CCDC149: variants seen among roughly 807,000 people sequenced by gnomAD.
CCDC149 encodes the protein coiled-coil domain-containing protein 149.
A neutral mutation model predicts 59.9 loss-of-function variants in CCDC149; 45 were observed. That is an observed-to-expected ratio of 0.75 (90% CI 0.59 to 0.96). CCDC149 has a LOEUF of 0.96. Among genes scored for constraint, CCDC149 ranks in the 40% least tolerant of loss-of-function variants. The pLI, the probability that CCDC149 is intolerant of heterozygous loss-of-function variation, is 0.00. For missense variants in CCDC149, 584 were observed against 664.7 expected (o/e 0.88, Z 1.33); for synonymous variants, 245 against 260.6 (o/e 0.94, Z 0.58).
intron 1 of CCDC149, among the ~76,000 whole-genome samples, chr4:24,887,182 T>C (rs1720233917): frequency 6.7e-6 from 1 of 148,390 alleles, no homozygotes; most frequent in South Asian, 2.1e-4. Context: ...AAGATCATAA[T>C]AATTAAATGG....
chr4:24,889,980 T>C (rs1370160030), intron 1 of CCDC149, among the ~76,000 whole-genome samples: 1 of 152,134 alleles, frequency 6.6e-6, no homozygotes, highest in Non-Finnish European at 1.5e-5. Flanking sequence ...GATGAGGTAT[T>C]GAGAGGGTTA....
chr4:24,978,363 ATAAAG>A (rs1447320348), intron 1 of CCDC149, among the ~76,000 whole-genome samples: 2 of 152,212 alleles, frequency 1.3e-5, no homozygotes, highest in Non-Finnish European at 1.5e-5. Flanking sequence ...ACTGAGTTAA[ATAAAG>A]TACATTGTTA....
At position 24,894,698 on chromosome 4, in the gene CCDC149, G is replaced by A. The variant is rs561863723; in HGVS notation, c.64-18001C>T. 2.0e-5 allele frequency among the ~76,000 whole-genome samples: 3 copies of A among 151,386 alleles called. No homozygotes were observed. The South Asian group carries it at 6.3e-4, about 32-fold the overall frequency. ...CCAGAGCAAAAGTATGTTCGAAAGG[G>A]CATCTCACAACGTGTGTTAGGATGT... On this transcript the variant is annotated intron_variant, in intron 1 of 12. Coordinates refer to ENST00000635206, the MANE Select transcript of CCDC149 (RefSeq NM_001330643.2).
At chr4:24,906,375 A>ATTTTTTTTATTTTATTTTATTTTATTTT (rs1553859575) in intron 1 of CCDC149, among the ~76,000 whole-genome samples, 2 of 10,474 alleles carry the variant, frequency 1.9e-4, no homozygotes, top group Non-Finnish European at 1.3e-3. Context: ...ATTTTATTTT[A>ATTTTTTTTATTTTATTTTATTTTATTTT]TTTTATTTTA....
chr4:24,883,714 G>C (rs1719985519), intron 1 of CCDC149, among the ~76,000 whole-genome samples: 2 of 152,124 alleles, frequency 1.3e-5, no homozygotes, highest in Non-Finnish European at 2.9e-5. Context: ...ACTTAAAAAA[G>C]ATTGAACACA....
In CCDC149 at chr4:24,822,530, T is replaced by C. The variant is rs924161018; in HGVS notation, c.1009A>G (p.Thr337Ala). ...CTCCACAAACCAGAAACTTCCAGAGTTCTTAATTTTTTTTCCAGCTCAGCC... is the reference window on the plus strand; with the variant it reads ...CTCCACAAACCAGAAACTTCCAGAGCTCTTAATTTTTTTTCCAGCTCAGCC... Residue 337 changes from threonine to alanine, a missense_variant, in exon 10 of 13, where the codon ACT becomes GCT. Coordinates refer to ENST00000635206, the MANE Select transcript of CCDC149 (RefSeq NM_001330643.2). 14 of 1,536,130 alleles carry C rather than the reference T, an allele frequency of 9.1e-6. No individual in the cohort carries two copies. In the African/African-American group the frequency reaches 1.1e-4, roughly 12 times the overall value.
chr4:24,808,791 TTCA>T lies in CCDC149; in HGVS notation c.1218_1220del (p.Asp406del), dbSNP rs1714395304. On this transcript the variant is annotated inframe_deletion, in exon 13 of 13. Transcript: ENST00000635206. ...TCAACGCCTCAGCAGCGGCACAACTTTCATCTTCTTCTTGCTTCTGAGCCTCCC... is the reference window on the plus strand; with the variant it reads ...TCAACGCCTCAGCAGCGGCACAACTTTCTTCTTCTTGCTTCTGAGCCTCCC... The T allele has an allele frequency of 6.5e-7, 1 of 1,550,096 alleles. No individual in the cohort carries two copies. Among genetic ancestry groups the T allele is most frequent in the Non-Finnish European group, 8.7e-7 (1 of 1,146,440 alleles).
chr4:24,934,545 A>G (rs551756200), intron 1 of CCDC149, among the ~76,000 whole-genome samples: 1 of 152,360 alleles, frequency 6.6e-6, no homozygotes, highest in African/African-American at 2.4e-5. Context: ...AAAGCAGGCC[A>G]CAAAACTGGC....
chr4:24,920,920 G>A (rs1054078840), intron 1 of CCDC149, among the ~76,000 whole-genome samples: 10 of 152,098 alleles, frequency 6.6e-5, no homozygotes, highest in African/African-American at 1.7e-4. Context: ...TGTCACTGAG[G>A]AATGTATGAG....
chr4:24,865,877 T>TA (rs1335068550), intron 3 of CCDC149, among the ~76,000 whole-genome samples: 31 of 152,282 alleles, frequency 2.0e-4, no homozygotes, highest in African/African-American at 7.2e-4. Flanking sequence ...GAAGGTGCAT[T>TA]AGTCCTCACA....
At chr4:24,931,455 G>A (rs542094540) in intron 1 of CCDC149, among the ~76,000 whole-genome samples, 8 of 151,546 alleles carry the variant, frequency 5.3e-5, no homozygotes, top group South Asian at 2.1e-4. Context: ...GTGTTTGGGT[G>A]GGGGGATGTG....
intron 1 of CCDC149, among the ~76,000 whole-genome samples, chr4:24,942,575 G>T (rs532432348): frequency 6.6e-6 from 1 of 152,104 alleles, no homozygotes; most frequent in Non-Finnish European, 1.5e-5. Context: ...GGAAATAAAG[G>T]GCATTCAATT....
intron 1 of CCDC149, among the ~76,000 whole-genome samples, chr4:24,961,563 T>A (rs1052089149): frequency 6.6e-6 from 1 of 152,256 alleles, no homozygotes; most frequent in South Asian, 2.1e-4. Context: ...CAAGCTGCAC[T>A]ACAAGGCTAC....
intron 9 of CCDC149, chr4:24,830,198 C>T (rs1716046792): frequency 6.6e-6 from 1 of 152,312 alleles, no homozygotes; most frequent in African/African-American, 2.4e-5. Flanking sequence ...TGAGAATGGA[C>T]CAGGGTTTAG....
chr4:24,814,635 G>C (rs895083552), intron 12 of CCDC149, among the ~76,000 whole-genome samples: 1 of 152,192 alleles, frequency 6.6e-6, no homozygotes, highest in Non-Finnish European at 1.5e-5. Context: ...GGTGATGTGG[G>C]TGCACACTTC....
chr4:24,909,465 T>A (rs2109323076), intron 1 of CCDC149, among the ~76,000 whole-genome samples: 1 of 152,272 alleles, frequency 6.6e-6, no homozygotes, highest in South Asian at 2.1e-4. Context: ...CCAGCCAAAC[T>A]TGACTGGGCA....
intron 1 of CCDC149, among the ~76,000 whole-genome samples, chr4:24,940,911 C>T (rs1441629112): frequency 6.6e-6 from 1 of 152,102 alleles, no homozygotes; most frequent in African/African-American, 2.4e-5. Context: ...CCTTAGTGAC[C>T]TACAAAGAGA....
intron 1 of CCDC149, among the ~76,000 whole-genome samples, chr4:24,932,523 T>C (rs1441514083): frequency 6.6e-6 from 1 of 152,156 alleles, no homozygotes; most frequent in Non-Finnish European, 1.5e-5. Flanking sequence ...CTTAAGAGAC[T>C]GTTAAATTGA....
chr4:24,941,713 A>G (rs1722958295), intron 1 of CCDC149, among the ~76,000 whole-genome samples: 1 of 152,360 alleles, frequency 6.6e-6, no homozygotes, highest in South Asian at 2.1e-4. Context: ...GACAAAGGGG[A>G]TATCACCACT....
Sources: allele counts gnomAD v4.1 joint callset (sites outside exome capture counted in the v4.1 genomes callset), GRCh38; gene constraint gnomAD v4.1.1; transcripts MANE v1.5; gene names NCBI Gene and HGNC (gene_info 2026-07-23, HGNC 2026-07-21).